CTPS1: variants seen among roughly 807,000 people sequenced by gnomAD.
CTPS1 encodes CTP synthetase 1.
In CTPS1, 25 loss-of-function variants were observed where a neutral mutation model predicts 80.5. That is an observed-to-expected ratio of 0.31 (90% CI 0.23 to 0.43). The LOEUF is 0.43. Among genes scored for constraint, CTPS1 ranks in the 20% least tolerant of loss-of-function variants. The pLI is 1.00. For missense variants in CTPS1, 442 were observed against 725.7 expected, an observed-to-expected ratio of 0.61 and a Z score of 4.49; for synonymous variants, 267 against 252.5, an observed-to-expected ratio of 1.06 and a Z score of -0.54.
chr1:41,003,219 T>A, intron 12 of CTPS1, 43 bp downstream of exon 12: 1 of 1,609,442 alleles, frequency 6.2e-7, no homozygotes, highest in Non-Finnish European at 8.5e-7. Flanking sequence ...CGCTTGTGTA[T>A]TTCTGGAGGA....
intron 13 of CTPS1, among the ~76,000 whole-genome samples, chr1:41,006,497 G>C (rs926381607): frequency 2.6e-5 from 4 of 152,218 alleles, no homozygotes; most frequent in Non-Finnish European, 5.9e-5. Flanking sequence ...GGGATCCCCA[G>C]CCATAGTCCT....
intron 6 of CTPS1, among the ~76,000 whole-genome samples, 175 bp downstream of exon 6, chr1:40,991,423 G>A (rs545992643): frequency 1.3e-5 from 2 of 152,286 alleles, no homozygotes; most frequent in East Asian, 1.9e-4. Context: ...TACTTAGAGC[G>A]TGTTAGGTCT....
intron 4 of CTPS1, among the ~76,000 whole-genome samples, chr1:40,988,071 C>T (rs1642504290): frequency 6.6e-6 from 1 of 151,992 alleles, no homozygotes. Context: ...ACCACCATGC[C>T]CGGCTAGTTT....
Position 41,009,521 on chromosome 1 carries a change from T to C in CTPS1, c.1623T>C (p.Phe541=), listed in dbSNP as rs1049133338. 7 of 1,613,978 alleles carry C rather than the reference T, an allele frequency of 4.3e-6. No homozygotes were observed. The highest frequency in any genetic ancestry group is 2.2e-5 in the East Asian group (1 of 44,896). The change falls in exon 17 of 19, where the codon TTT becomes TTC. Residue 541 remains phenylalanine (F), a synonymous_variant. Transcript: ENST00000650070. The part of the protein sequence containing the change: ...SRPIKPSPPY[F]GLLLASVGRL... The stretch of plus-strand genomic sequence containing the variant: ...CTATCAAGCCCTCCCCACCATACTT[T>C]GGCCTCCTCCTGGCCTCTGTGGGGC...
chr1:41,010,343 AT>A (rs1346016491), intron 18 of CTPS1, 89 bp downstream of exon 18: 8 of 889,960 alleles, frequency 9.0e-6, no homozygotes, highest in Non-Finnish European at 1.3e-5. Flanking sequence ...AGGGCTGAAA[AT>A]TTTTATCTGC....
intron 9 of CTPS1, 176 bp from the exon 10 acceptor site, chr1:41,000,853 T>C: frequency 5.7e-6 from 2 of 351,918 alleles, no homozygotes; most frequent in East Asian, 1.1e-4. Flanking sequence ...ATTTAAAAAA[T>C]GTTTAAGTTA....
intron 10 of CTPS1, among the ~76,000 whole-genome samples, chr1:41,001,768 T>A (rs1475540142): frequency 6.6e-6 from 1 of 151,950 alleles, no homozygotes; most frequent in African/African-American, 2.4e-5. Context: ...CAAAACCAGC[T>A]GGGTGTGGTC....
intron 14 of CTPS1, 84 bp from the exon 15 acceptor site, chr1:41,008,575 A>G: frequency 6.9e-7 from 1 of 1,448,924 alleles, no homozygotes; most frequent in Non-Finnish European, 9.7e-7. Flanking sequence ...GATGATGAAA[A>G]GTAAAGCAGG....
Position 40,987,438 on chromosome 1 carries a change from A to G in CTPS1, c.404A>G (p.Glu135Gly). 1 of 1,614,004 alleles carries G rather than the reference A, an allele frequency of 6.2e-7. No homozygotes were observed. Among genetic ancestry groups the G allele is most frequent in the Non-Finnish European group, 8.5e-7 (1 of 1,179,878 alleles). Reference protein sequence around the residue: ...VMRQALIPVDEDGLEPQVCVI... With the variant: ...VMRQALIPVDGDGLEPQVCVI... ...AGACAGGCGTTAATACCTGTAGATG[A>G]AGATGGCCTGGAACCTCAAGTGTGT... Residue 135 changes from glutamate (E) to glycine (G), a missense_variant, in exon 4 of 19, where the codon GAA becomes GGA. Physicochemically the swap from Glu to Gly is moderately conservative, Grantham distance 98. Transcript: ENST00000650070.
chr1:41,007,437 G>T lies in CTPS1; in HGVS notation c.1297-12G>T. ...GTTCTGTAGTTGGTGTCTGTTTTCT[G>T]AACATCTCCAGGTCGTAGACATGCC... is the stretch of plus-strand genomic sequence containing the variant. On this transcript the variant is annotated splice_polypyrimidine_tract_variant and intron_variant, in intron 13 of 18. Transcript: ENST00000650070. This position sits in a 1 kb window ranked among gnomAD's most constrained non-coding sequence, Gnocchi z 4.4. The T allele has an allele frequency of 6.2e-7, 1 of 1,613,452 alleles. No homozygotes were observed.
At chr1:40,996,326 T>C (rs566343330) in intron 8 of CTPS1, among the ~76,000 whole-genome samples, 1 of 152,280 alleles carries the variant, frequency 6.6e-6, no homozygotes, top group South Asian at 2.1e-4. Flanking sequence ...AACACGCTTG[T>C]CTCTTACCAA....
chr1:40,982,512 C>G (rs531467917), intron 1 of CTPS1, among the ~76,000 whole-genome samples: 53 of 152,250 alleles, frequency 3.5e-4, no homozygotes, highest in African/African-American at 1.3e-3. Context: ...GCCTCAGTCT[C>G]CTGAGTAACT....
At chr1:41,011,405 G>T (rs546626629) in intron 18 of CTPS1, among the ~76,000 whole-genome samples, 1 of 152,194 alleles carries the variant, frequency 6.6e-6, no homozygotes, top group Non-Finnish European at 1.5e-5. Context: ...TTGCCCGTTA[G>T]TGACACTGTT....
intron 7 of CTPS1, among the ~76,000 whole-genome samples, chr1:40,992,628 C>T (rs901064716): frequency 3.3e-5 from 5 of 150,276 alleles, no homozygotes; most frequent in African/African-American, 1.2e-4. Flanking sequence ...TCTGGCCTAG[C>T]AAGTGAAGGA....
chr1:40,982,861 T>C (rs1642352591), intron 1 of CTPS1, among the ~76,000 whole-genome samples: 1 of 152,232 alleles, frequency 6.6e-6, no homozygotes, highest in African/African-American at 2.4e-5. Context: ...GGAGTACTTA[T>C]CCAAGTTTGA....
At chr1:40,997,359 G>C in intron 8 of CTPS1, 35 bp from the exon 9 acceptor site, 1 of 1,604,446 alleles carries the variant, frequency 6.2e-7, no homozygotes, top group South Asian at 1.1e-5. Context: ...TGTACCTTCT[G>C]AGTAATTGGG....
Position 40,996,608 on chromosome 1 carries a change from T to G in CTPS1, c.872+540T>G, listed in dbSNP as rs1642758983. ...CGTGTCTTAGAGCAATGGGCAGGCC[T>G]TATCTTAGTTGCAAGATCAATATGA... On this transcript the variant is annotated intron_variant, in intron 8 of 18. Transcript: ENST00000650070. 1.3e-5 allele frequency among the ~76,000 whole-genome samples: 2 copies of G among 152,230 alleles called. 1 individual carries two copies. Among genetic ancestry groups the G allele is most frequent in the Admixed American group, 1.3e-4 (2 of 15,286 alleles).
chr1:40,985,754 TC>T (rs1295099083), intron 3 of CTPS1, among the ~76,000 whole-genome samples: 2 of 152,150 alleles, frequency 1.3e-5, no homozygotes, highest in Non-Finnish European at 2.9e-5. Flanking sequence ...CTGGCAAGAT[TC>T]TGGGCTAATT....
intron 14 of CTPS1, among the ~76,000 whole-genome samples, chr1:41,008,218 C>T (rs1373521147): frequency 1.3e-5 from 2 of 152,324 alleles, no homozygotes; most frequent in East Asian, 3.9e-4. Flanking sequence ...AGCTTGTTCA[C>T]ATGCAGCCAC....
Sources: gnomAD v4.1 joint callset for allele counts (sites outside exome capture counted in the v4.1 genomes callset) on GRCh38, gnomAD v4.1.1 for gene constraint, Gnocchi (gnomAD v3.1) non-coding constraint, MANE v1.5 for transcripts, NCBI Gene and HGNC (gene_info 2026-07-23, HGNC 2026-07-21) for gene names.